Variants in RHOBTB1 observed in about 807,000 individuals in gnomAD.
The protein encoded by RHOBTB1 is Rho related BTB domain containing 1.
RHOBTB1 carries 40 observed loss-of-function variants against 71.6 expected under a neutral mutation model. The observed-to-expected ratio is 0.56, with a 90% confidence interval of 0.43 to 0.73. The LOEUF (loss-of-function observed/expected upper bound fraction) is 0.73, where lower values mean the gene tolerates loss of function less well. RHOBTB1 is among the 30% of genes least tolerant of loss of function. The probability of loss-of-function intolerance (pLI) is 0.00; values close to 1 mark genes in which losing one functional copy is unlikely to be tolerated. For missense variants in RHOBTB1, 797 were observed against 894.0 expected (o/e 0.89, Z 1.38); for synonymous variants, 319 against 334.9 (o/e 0.95, Z 0.52).
At chr10:60,872,092 T>C in intron 10 of RHOBTB1, 93 bp downstream of exon 10, 1 of 936,594 alleles carries the variant, frequency 1.1e-6, no homozygotes, top group African/African-American at 1.6e-5. Context: ...ATGAGCTGCC[T>C]GCTGACCATG....
At chr10:60,903,529 A>G (rs544726649) in intron 4 of RHOBTB1, among the ~76,000 whole-genome samples, 1 of 152,170 alleles carries the variant, frequency 6.6e-6, no homozygotes, top group Non-Finnish European at 1.5e-5. Context: ...CAAAAGACAA[A>G]ATTGTTACTA....
chr10:60,928,894 A>G (rs1283525301), intron 2 of RHOBTB1, among the ~76,000 whole-genome samples: 1 of 152,168 alleles, frequency 6.6e-6, no homozygotes, highest in Non-Finnish European at 1.5e-5. Flanking sequence ...TTATAAAGAA[A>G]AGAGGTGTAG....
At chr10:60,966,244 A>C (rs765294706) in intron 2 of RHOBTB1, among the ~76,000 whole-genome samples, 14 of 152,004 alleles carry the variant, frequency 9.2e-5, no homozygotes, top group Non-Finnish European at 1.8e-4. Context: ...TTATCTGTCT[A>C]TATTTTTAGC....
At chr10:60,862,534 TTC>T in the RHOBTB1 span, among the ~76,000 whole-genome samples, 1 of 150,462 alleles carries the variant, frequency 6.6e-6, no homozygotes, top group Non-Finnish European at 1.5e-5. Context: ...CTCCCTTTCT[TTC>T]TCTTTCTTTC....
intron 1 of RHOBTB1, among the ~76,000 whole-genome samples, chr10:60,987,243 C>T (rs570642807): frequency 1.4e-4 from 22 of 152,320 alleles, no homozygotes; most frequent in African/African-American, 5.3e-4. Flanking sequence ...TTTTCTTCTT[C>T]TGGCTTCTCT....
chr10:60,889,178 T>G lies in RHOBTB1; in HGVS notation c.490A>C (p.Lys164Gln). The change falls in exon 6 of 11, where the codon AAG becomes CAG. Residue 164 changes from lysine to glutamine, a missense_variant. Coordinates refer to ENST00000337910, the MANE Select transcript of RHOBTB1 (RefSeq NM_014836.5). ...TCTGGGGGCAAAATATCCCCTCTCTTTATGGGCCTGAAATAGAACATTTTA... is the reference window on the plus strand; with the variant it reads ...TCTGGGGGCAAAATATCCCCTCTCTGTATGGGCCTGAAATAGAACATTTTA... ...RARRPLARPIKRGDILPPEKG... is the reference protein window; with the variant it reads ...RARRPLARPIQRGDILPPEKG... The G allele has an allele frequency of 6.2e-7, 1 of 1,608,038 alleles. No individual in the cohort carries two copies. Among genetic ancestry groups the G allele is most frequent in the Non-Finnish European group, 8.5e-7 (1 of 1,177,720 alleles).
At chr10:60,885,896 T>C (rs956138796) in intron 7 of RHOBTB1, among the ~76,000 whole-genome samples, 2 of 152,050 alleles carry the variant, frequency 1.3e-5, no homozygotes, top group African/African-American at 4.8e-5. Context: ...CAATAAACAA[T>C]AGCTCCTCAA....
downstream of RHOBTB1, among the ~76,000 whole-genome samples, chr10:60,866,348 A>T (rs2080635367): frequency 6.6e-6 from 1 of 152,230 alleles, no homozygotes; most frequent in Non-Finnish European, 1.5e-5. Context: ...GAGTCAGAAA[A>T]GTAGATAGAA....
intron 2 of RHOBTB1, among the ~76,000 whole-genome samples, chr10:60,922,730 T>A (rs1021202942): frequency 6.6e-6 from 1 of 152,212 alleles, no homozygotes; most frequent in Admixed American, 6.5e-5. Context: ...GTGAGCTTGC[T>A]GACCATCCCT....
upstream of RHOBTB1, among the ~76,000 whole-genome samples, chr10:61,001,922 A>C (rs565941934): frequency 6.6e-6 from 1 of 152,336 alleles, no homozygotes; most frequent in East Asian, 1.9e-4. Context: ...GTCTGGGGAA[A>C]GTTTCTGGCG....
intron 2 of RHOBTB1, among the ~76,000 whole-genome samples, chr10:60,931,024 A>G (rs2084216029): frequency 6.6e-6 from 1 of 152,052 alleles, no homozygotes; most frequent in Admixed American, 6.6e-5. Flanking sequence ...TGCAACAACA[A>G]TACATGAAAA....
chr10:60,971,370 G>A (rs980990197), intron 2 of RHOBTB1, among the ~76,000 whole-genome samples: 7 of 151,948 alleles, frequency 4.6e-5, no homozygotes, highest in Non-Finnish European at 1.0e-4. Context: ...GAACAGAACA[G>A]AGGCCTCAGA....
chr10:60,866,694 A>G (rs757599608), downstream of RHOBTB1, among the ~76,000 whole-genome samples: 15 of 152,118 alleles, frequency 9.9e-5, no homozygotes, highest in Admixed American at 4.6e-4. Context: ...AATAGAAAAC[A>G]TGGAGGCCCT....
intron 4 of RHOBTB1, among the ~76,000 whole-genome samples, chr10:60,893,681 G>A (rs1212355138): frequency 6.6e-6 from 1 of 152,204 alleles, no homozygotes; most frequent in Non-Finnish European, 1.5e-5. Context: ...ATTGGAAGCA[G>A]ATTTCTCAAA....
chr10:60,926,065 C>T (rs1367849242), intron 2 of RHOBTB1, among the ~76,000 whole-genome samples: 2 of 152,134 alleles, frequency 1.3e-5, no homozygotes, highest in African/African-American at 2.4e-5. Context: ...CCCCGTCCCC[C>T]GTCTCTACTA....
At chr10:60,913,647 T>G (rs1197580811) in intron 2 of RHOBTB1, among the ~76,000 whole-genome samples, 2 of 152,036 alleles carry the variant, frequency 1.3e-5, no homozygotes, top group East Asian at 3.9e-4. Flanking sequence ...AGGAGGGAGT[T>G]CTGCTTCTAG....
At chr10:60,985,931 T>C (rs1371383856) in exon 2 of RHOBTB1, 1 of 152,176 alleles carries the variant, frequency 6.6e-6, no homozygotes, top group East Asian at 1.9e-4. Context: ...ATGTGCTTCT[T>C]GATTATTATA....
chr10:60,891,334 CTTTTTTTTTTTT>C (rs756153141), intron 5 of RHOBTB1, among the ~76,000 whole-genome samples: 2 of 71,322 alleles, frequency 2.8e-5, no homozygotes, highest in Non-Finnish European at 4.9e-5. Flanking sequence ...TTGCTGTTTG[CTTTTTTTTTTTT>C]TTTTTTTTTT....
intron 2 of RHOBTB1, among the ~76,000 whole-genome samples, chr10:60,912,236 T>C (rs891584811): frequency 6.6e-6 from 1 of 151,436 alleles, no homozygotes; most frequent in Non-Finnish European, 1.5e-5. Context: ...CACACACACA[T>C]ATATATATGT....
Sources: allele counts gnomAD v4.1 joint callset (sites outside exome capture counted in the v4.1 genomes callset), GRCh38; gene constraint gnomAD v4.1.1; transcripts MANE v1.5; gene names NCBI Gene and HGNC (gene_info 2026-07-23, HGNC 2026-07-21).